Variants in ANK3 observed in about 807,000 individuals in gnomAD.
The protein encoded by ANK3 is ankyrin-3.
Under a neutral mutation model 370.9 loss-of-function variants are expected in ANK3, and 57 were observed. The observed-to-expected ratio is 0.15, with a 90% CI of 0.12 to 0.19. The LOEUF is 0.19. Among genes scored for constraint, ANK3 ranks in the 10% least tolerant of loss-of-function variants. ANK3 has a pLI of 1.00. For missense variants in ANK3, 4,439 were observed against 5,302.1 expected (o/e 0.84, Z 5.06); for synonymous variants, 1,929 against 1,946.3 (o/e 0.99, Z 0.23).
In ANK3 at chr10:60,082,000, T is replaced by C. The variant is rs2132006714; in HGVS notation, c.4350+150A>G. ...GTACGTGTGGAAGAAGAGTGAACCA[T>C]TTAAGAAAAATATATACCCTTTTAC... is the stretch of plus-strand genomic sequence containing the variant. On this transcript the variant is annotated intron_variant, in intron 35 of 43. Transcript: ENST00000280772. The C allele has an allele frequency of 6.0e-6, 3 of 503,074 alleles. No homozygotes were observed. The East Asian group carries it at 9.5e-5, about 16-fold the overall frequency. The allele number at this position is 503,074 out of a possible 1,614,324, so 31.2% of individuals were successfully genotyped here.
chr10:60,482,394 T>C (rs1351384290), intron 2 of ANK3, among the ~76,000 whole-genome samples: 2 of 152,210 alleles, frequency 1.3e-5, no homozygotes, highest in Non-Finnish European at 2.9e-5. Flanking sequence ...CAGTTTCTCC[T>C]TCAGCTAATC....
At chr10:60,447,559 A>G (rs534414354) in intron 2 of ANK3, among the ~76,000 whole-genome samples, 11 of 151,838 alleles carry the variant, frequency 7.2e-5, no homozygotes, top group South Asian at 2.1e-4. Context: ...TGTGGGGGGG[A>G]AAAAAAGCAA....
At chr10:60,683,273 A>C (rs1185223105) in intron 1 of ANK3, among the ~76,000 whole-genome samples, 1 of 152,234 alleles carries the variant, frequency 6.6e-6, no homozygotes, top group Non-Finnish European at 1.5e-5. Flanking sequence ...GTGACAACTG[A>C]TAATTTCTGG....
intron 2 of ANK3, among the ~76,000 whole-genome samples, chr10:60,556,456 G>A (rs1201620507): frequency 6.6e-6 from 1 of 152,116 alleles, no homozygotes; most frequent in African/African-American, 2.4e-5. Context: ...ACAGGAATGT[G>A]ACCAGAGTGA....
intron 1 of ANK3, among the ~76,000 whole-genome samples, chr10:60,681,236 T>C (rs192298435): frequency 6.6e-6 from 1 of 152,258 alleles, no homozygotes; most frequent in Non-Finnish European, 1.5e-5. Flanking sequence ...TTTCAGACAA[T>C]AATCAGAGTA....
At chr10:60,089,459 T>TTGTGTGTGTGTGTGTGTG (rs61497871) in intron 28 of ANK3, among the ~76,000 whole-genome samples, 1 of 141,538 alleles carries the variant, frequency 7.1e-6, no homozygotes, top group Non-Finnish European at 1.5e-5. Context: ...TCCATCCAGG[T>TTGTGTGTGTGTGTGTGTG]TGTGTGTGTG....
chr10:60,528,760 C>T (rs780668239), intron 2 of ANK3, among the ~76,000 whole-genome samples: 2 of 152,036 alleles, frequency 1.3e-5, no homozygotes, highest in Non-Finnish European at 2.9e-5. Flanking sequence ...CCACTCCTCA[C>T]CCTCCTCCCC....
At chr10:60,222,727 C>T (rs1309987963) in intron 8 of ANK3, among the ~76,000 whole-genome samples, 1 of 151,884 alleles carries the variant, frequency 6.6e-6, no homozygotes, top group Non-Finnish European at 1.5e-5. Flanking sequence ...TTAACTTATA[C>T]TGCAATTAAC....
chr10:60,104,357 C>CAAAAAAAAAAAAAAA (rs747064489), intron 28 of ANK3, among the ~76,000 whole-genome samples: 4 of 53,726 alleles, frequency 7.4e-5, no homozygotes, highest in Non-Finnish European at 1.0e-4. Context: ...GACTCCATCT[C>CAAAAAAAAAAAAAAA]AAAAAAAAAA....
chr10:60,423,146 A>G (rs1381741156), intron 2 of ANK3, among the ~76,000 whole-genome samples: 1 of 152,022 alleles, frequency 6.6e-6, no homozygotes, highest in Non-Finnish European at 1.5e-5. Context: ...CTACGTGAAA[A>G]CCAATCTAGT....
At chr10:60,227,471 G>A (rs1469321694) in intron 8 of ANK3, among the ~76,000 whole-genome samples, 2 of 152,008 alleles carry the variant, frequency 1.3e-5, no homozygotes, top group Non-Finnish European at 2.9e-5. Flanking sequence ...TGCAGTTTAT[G>A]ATCAAATTTG....
intron 42 of ANK3, chr10:60,053,668 G>C (rs2041494544): frequency 3.8e-6 from 5 of 1,302,956 alleles, no homozygotes; most frequent in African/African-American, 3.0e-5. Context: ...GAAAATAGCA[G>C]AATTTTACCT....
intron 1 of ANK3, among the ~76,000 whole-genome samples, chr10:60,361,326 G>C (rs1472131532): frequency 6.6e-6 from 1 of 152,110 alleles, no homozygotes; most frequent in African/African-American, 2.4e-5. Context: ...AACTGCTCTC[G>C]GGAGTTTTCA....
intron 5 of ANK3, among the ~76,000 whole-genome samples, chr10:60,266,846 A>G (rs2097888183): frequency 6.6e-6 from 1 of 152,326 alleles, no homozygotes; most frequent in South Asian, 2.1e-4. Context: ...AAAAAGGTCC[A>G]TCCCCTGGTT....
intron 4 of ANK3, among the ~76,000 whole-genome samples, chr10:60,272,815 G>A (rs1376687241): frequency 6.6e-6 from 1 of 151,422 alleles, no homozygotes; most frequent in Non-Finnish European, 1.5e-5. Context: ...TTTTCTTTCA[G>A]ACATGAATAT....
chr10:60,142,483 T>C (rs1299581248), intron 23 of ANK3, among the ~76,000 whole-genome samples: 2 of 152,140 alleles, frequency 1.3e-5, no homozygotes, highest in Non-Finnish European at 2.9e-5. Flanking sequence ...TAAATAATCT[T>C]GGAATCCATG....
chr10:60,221,582 A>T (rs1258013637), intron 8 of ANK3, among the ~76,000 whole-genome samples: 1 of 152,212 alleles, frequency 6.6e-6, no homozygotes, highest in East Asian at 1.9e-4. Context: ...AATCCAAGAC[A>T]TCATATTATT....
intron 9 of ANK3, among the ~76,000 whole-genome samples, chr10:60,209,976 A>T (rs1232695866): frequency 6.6e-6 from 1 of 151,914 alleles, no homozygotes; most frequent in Non-Finnish European, 1.5e-5. Context: ...CTATGGAAAG[A>T]GGTGGTATTA....
chr10:60,398,303 T>G (rs148906090), intron 2 of ANK3, among the ~76,000 whole-genome samples: 1 of 152,342 alleles, frequency 6.6e-6, no homozygotes, highest in East Asian at 1.9e-4. Context: ...GGATGTGGCC[T>G]GCAGGCCTGT....
Sources: gnomAD v4.1 joint callset for allele counts (sites outside exome capture counted in the v4.1 genomes callset) on GRCh38, gnomAD v4.1.1 for gene constraint, MANE v1.5 for transcripts, NCBI Gene and HGNC (gene_info 2026-07-23, HGNC 2026-07-21) for gene names.